CD55: variants seen among roughly 807,000 people sequenced by gnomAD.
CD55 encodes CD55 molecule (Cromer blood group).
In CD55, 41 loss-of-function variants were observed where a neutral mutation model predicts 45.8. The observed-to-expected ratio is 0.90, with a 90% CI of 0.70 to 1.16. The LOEUF (loss-of-function observed/expected upper bound fraction) is 1.16, where lower values mean the gene tolerates loss of function less well. Among genes scored for constraint, CD55 ranks in the 50% most tolerant of loss-of-function variants. The pLI is 0.00. For synonymous variants in CD55, 181 were observed against 181.1 expected (o/e 1.00, Z 0.01); for missense variants, 416 against 469.8 (o/e 0.89, Z 1.06).
chr1:207,344,027 C>T (rs188374909), intron 9 of CD55, among the ~76,000 whole-genome samples: 1 of 152,294 alleles, frequency 6.6e-6, no homozygotes, highest in East Asian at 1.9e-4. Flanking sequence ...CTTTTTCCAT[C>T]TCTTTACTTT....
rs56253023 is a variant in CD55, at chr1:207,359,536, T to TTTA, written c.1082-10_1082-9insTTA. 7.8e-4 allele frequency: 1,200 copies of TTTA among 1,541,182 alleles called. No individual in the cohort carries two copies. The highest frequency in any genetic ancestry group is 9.5e-4 in the Non-Finnish European group (1,092 of 1,153,536). On this transcript the variant is annotated splice_polypyrimidine_tract_variant and intron_variant, in intron 9 of 9. Coordinates refer to ENST00000367064, the MANE Select transcript of CD55 (RefSeq NM_000574.5). ...TTTAACTTTTTTTTTTTTTTTTTTTTAATTTTCAGGGCACACGTGTTTCAC... is the reference window on the plus strand; with the variant it reads ...TTTAACTTTTTTTTTTTTTTTTTTTTTTAAATTTTCAGGGCACACGTGTTTCAC...
intron 9 of CD55, among the ~76,000 whole-genome samples, chr1:207,346,109 T>TG (rs1655625901): frequency 6.6e-6 from 1 of 152,180 alleles, no homozygotes; most frequent in South Asian, 2.1e-4. Flanking sequence ...TGGCAGCAAG[T>TG]GGGGGCATGG....
intron 9 of CD55, among the ~76,000 whole-genome samples, chr1:207,343,414 T>A (rs1655510838): frequency 6.6e-6 from 1 of 152,214 alleles, no homozygotes; most frequent in Admixed American, 6.5e-5. Context: ...TGTCTAATCC[T>A]GAATTTCTCC....
At chr1:207,345,054 C>T (rs1655579413) in intron 9 of CD55, among the ~76,000 whole-genome samples, 1 of 152,142 alleles carries the variant, frequency 6.6e-6, no homozygotes, top group African/African-American at 2.4e-5. Flanking sequence ...TTGGTGATCT[C>T]TGAGCCTCCT....
chr1:207,335,988 T>G (rs1032222282), intron 6 of CD55, among the ~76,000 whole-genome samples: 2 of 152,142 alleles, frequency 1.3e-5, no homozygotes, highest in African/African-American at 4.8e-5. Context: ...AAATCAGGCT[T>G]CGGCACTACC....
chr1:207,325,438 T>C (rs1469201002), intron 3 of CD55, among the ~76,000 whole-genome samples, 184 bp from the exon 4 acceptor site: 4 of 152,210 alleles, frequency 2.6e-5, no homozygotes, highest in Admixed American at 6.5e-5. Flanking sequence ...TACCTGAGCT[T>C]TATTGAGGTA....
At chr1:207,352,236 A>G (rs769564952) in intron 9 of CD55, among the ~76,000 whole-genome samples, 8 of 120,122 alleles carry the variant, frequency 6.7e-5, no homozygotes, top group Non-Finnish European at 1.0e-4. Context: ...GTGTTTCCCA[A>G]TTTTTTTTTG....
rs1655895817 is a variant in CD55 at position 207,352,271 on chromosome 1, C to T, written c.1082-7275C>T. 2.6e-5 allele frequency among the ~76,000 whole-genome samples: 4 copies of T among 151,706 alleles called. No individual in the cohort carries two copies. In the South Asian group the frequency reaches 8.3e-4, roughly 32 times the overall value. ...GTGGGGGGTGGGGGGTGCGTTAATT[C>T]TTGCTCTCTTCTCACCAAAGACCTT... On this transcript the variant is annotated intron_variant, in intron 9 of 9. Transcript: ENST00000367064.
intron 9 of CD55, among the ~76,000 whole-genome samples, chr1:207,341,180 G>A (rs1655412019): frequency 6.6e-6 from 1 of 152,160 alleles, no homozygotes; most frequent in Non-Finnish European, 1.5e-5. Context: ...CTTTACAGAT[G>A]AATAGTTTAT....
chr1:207,336,928 A>G, intron 7 of CD55, 110 bp downstream of exon 7: 1 of 1,293,006 alleles, frequency 7.7e-7, no homozygotes, highest in Non-Finnish European at 1.1e-6. Context: ...CAGCTACAAT[A>G]GTCACACCAA....
intron 9 of CD55, chr1:207,347,109 G>A (rs1165914828): frequency 2.2e-6 from 1 of 456,248 alleles, no homozygotes; most frequent in Non-Finnish European, 4.4e-6. Flanking sequence ...TCTTCAAAAT[G>A]TGATTATGTA....
In CD55 at chr1:207,324,737, C is replaced by T. The variant is rs767069550; in HGVS notation, c.465C>T (p.Val155=). The T allele has an allele frequency of 3.1e-5, 50 of 1,597,696 alleles. No individual in the cohort carries two copies. The highest frequency in any genetic ancestry group is 1.7e-4 in the Middle Eastern group (1 of 6,000). The change falls in exon 3 of 10, where the codon GTC becomes GTT. Residue 155 remains valine, a synonymous_variant. Coordinates refer to ENST00000367064, the MANE Select transcript of CD55 (RefSeq NM_000574.5). ...CLQNLKWSTA[V]EFCKKKSCPN... ...AGAATTTAAAATGGTCCACAGCAGT[C>T]GAATTTTGTAAAAGTGAGTAAAATT...
intron 9 of CD55, chr1:207,340,469 G>T: frequency 1.5e-6 from 1 of 678,298 alleles, no homozygotes; most frequent in South Asian, 1.6e-5. Flanking sequence ...GGGTTCAAGC[G>T]ATCCTTCCAC....
At chr1:207,354,380 A>G (rs1656001455) in intron 9 of CD55, 4 of 340,830 alleles carry the variant, frequency 1.2e-5, no homozygotes, top group Non-Finnish European at 1.7e-5. Flanking sequence ...ACTGTTTGCC[A>G]TGTACTGTGT....
chr1:207,332,911 T>G (rs748136334), intron 6 of CD55, among the ~76,000 whole-genome samples: 2 of 152,186 alleles, frequency 1.3e-5, no homozygotes, highest in South Asian at 4.1e-4. Flanking sequence ...CCTTTGCTGA[T>G]TCTGAACCTG....
At position 207,360,386 on chromosome 1, in the gene CD55, A is replaced by T. The variant is rs759422665; in HGVS notation, c.*776A>T. ...TTATTCTTTTGTAATATTTATTTATATTTATTTATGACAGTGAACATTCTG... is the reference window on the plus strand; with the variant it reads ...TTATTCTTTTGTAATATTTATTTATTTTTATTTATGACAGTGAACATTCTG... On this transcript the variant is annotated 3_prime_UTR_variant, in exon 10 of 10. Transcript: ENST00000367064. 4 of 152,124 alleles carry T rather than the reference A, an allele frequency of 2.6e-5. No homozygotes were observed. Among genetic ancestry groups the T allele is most frequent in the African/African-American group, 9.6e-5 (4 of 41,452 alleles). The allele number at this position is 152,124 out of a possible 1,614,324, so 9.4% of individuals were successfully genotyped here. A position where few individuals can be genotyped will look rare whatever the true frequency, so the allele number is the denominator to read the frequency against.
chr1:207,345,786 G>A (rs1289535729), intron 9 of CD55, among the ~76,000 whole-genome samples: 2 of 152,212 alleles, frequency 1.3e-5, no homozygotes, highest in African/African-American at 2.4e-5. Context: ...GGGGCACTTT[G>A]GCTTTAATTC....
rs554830791 is a variant in CD55, at chr1:207,352,842, C to T, written c.1082-6704C>T. Among the ~76,000 whole-genome samples the T allele has an allele frequency of 1.1e-4, 16 of 152,108 alleles. No homozygotes were observed. In the South Asian group the frequency reaches 2.9e-3, roughly 28 times the overall value. On this transcript the variant is annotated intron_variant, in intron 9 of 9. Transcript: ENST00000367064. ...CAGTCTTTTATTCAGGTAATATTTA[C>T]ATGTTTTCTCTGTGGCAAGTACTGT...
chr1:207,334,891 T>C (rs1241244988), intron 6 of CD55, among the ~76,000 whole-genome samples: 2 of 104,436 alleles, frequency 1.9e-5, no homozygotes, highest in Non-Finnish European at 4.1e-5. Context: ...AAAAAGATTT[T>C]AAAAAGAACC....
Sources: gnomAD v4.1 joint callset for allele counts (sites outside exome capture counted in the v4.1 genomes callset) on GRCh38, gnomAD v4.1.1 for gene constraint, MANE v1.5 for transcripts, NCBI Gene and HGNC (gene_info 2026-07-23, HGNC 2026-07-21) for gene names.